THSD7B: variants seen among roughly 807,000 people sequenced by gnomAD.
The protein encoded by THSD7B is thrombospondin type 1 domain containing 7B.
Under a neutral mutation model 213.6 loss-of-function variants are expected in THSD7B, and 138 were observed. The observed-to-expected ratio is 0.65, with a 90% CI of 0.56 to 0.74. The LOEUF is 0.74. Ranked by LOEUF, THSD7B falls within the 30% of genes least tolerant of loss-of-function variation. The pLI is 0.00. For synonymous variants in THSD7B, 742 were observed against 687.0 expected (o/e 1.08, Z -1.25); for missense variants, 1,931 against 1,991.5 (o/e 0.97, Z 0.58).
At chr2:137,673,546 GA>G (rs373204757) in intron 27 of THSD7B, among the ~76,000 whole-genome samples, 1 of 152,128 alleles carries the variant, frequency 6.6e-6, no homozygotes, top group Non-Finnish European at 1.5e-5. Flanking sequence ...AGTGGAGGAG[GA>G]AAAAATAAGA....
intron 1 of THSD7B, among the ~76,000 whole-genome samples, chr2:136,780,594 G>A (rs1681723871): frequency 6.6e-6 from 1 of 152,084 alleles, no homozygotes; most frequent in Non-Finnish European, 1.5e-5. Flanking sequence ...GTCTAATGTT[G>A]ACTTTTCATT....
intron 7 of THSD7B, among the ~76,000 whole-genome samples, chr2:137,208,950 A>G (rs1008592069): frequency 6.6e-6 from 1 of 152,118 alleles, no homozygotes; most frequent in Non-Finnish European, 1.5e-5. Flanking sequence ...TTGTATAACT[A>G]TGCCTGCATC....
At chr2:137,216,822 G>T (rs1350868973) in intron 7 of THSD7B, among the ~76,000 whole-genome samples, 1 of 152,132 alleles carries the variant, frequency 6.6e-6, no homozygotes, top group Non-Finnish European at 1.5e-5. Flanking sequence ...TACATCATAG[G>T]CTCCAGCTGC....
chr2:137,185,870 A>C (rs1319486273), intron 7 of THSD7B, among the ~76,000 whole-genome samples: 1 of 152,120 alleles, frequency 6.6e-6, no homozygotes, highest in Non-Finnish European at 1.5e-5. Context: ...GTGTATAAGC[A>C]TTCCCTTTTC....
chr2:137,439,441 C>T lies in THSD7B; in HGVS notation c.2960-11404C>T, dbSNP rs187820756. On this transcript the variant is annotated intron_variant, in intron 14 of 27. Coordinates refer to ENST00000409968, the MANE Select transcript of THSD7B (RefSeq NM_001316349.2). Reference sequence around the variant, plus strand: ...AAATAAATAAATTGAAATGTCTTGACCTCTTTTATTTCTTTATTTCTTCCT... The same window carrying T: ...AAATAAATAAATTGAAATGTCTTGATCTCTTTTATTTCTTTATTTCTTCCT... 6.2e-4 allele frequency among the ~76,000 whole-genome samples: 95 copies of T among 152,132 alleles called. 1 individual carries two copies. In the East Asian group the frequency reaches 0.013, roughly 20 times the overall value.
chr2:137,434,687 T>G (rs528938667), intron 14 of THSD7B, among the ~76,000 whole-genome samples: 8 of 152,346 alleles, frequency 5.3e-5, no homozygotes, highest in African/African-American at 1.7e-4. Context: ...GTGTCTGTTT[T>G]CCACATTTTG....
intron 1 of THSD7B, among the ~76,000 whole-genome samples, chr2:136,780,121 A>C (rs1681711872): frequency 6.6e-6 from 1 of 152,176 alleles, no homozygotes; most frequent in South Asian, 2.1e-4. Flanking sequence ...TTTATAATTT[A>C]TGAATTATGG....
chr2:137,590,679 A>G (rs955935695), intron 17 of THSD7B, among the ~76,000 whole-genome samples: 2 of 151,716 alleles, frequency 1.3e-5, no homozygotes, highest in East Asian at 1.9e-4. Flanking sequence ...TCATATTTCT[A>G]TAATTGACAA....
chr2:137,527,925 A>G (rs1008359390), intron 15 of THSD7B, among the ~76,000 whole-genome samples: 7 of 152,066 alleles, frequency 4.6e-5, no homozygotes, highest in African/African-American at 1.7e-4. Flanking sequence ...TTCTAGAGTC[A>G]TTATTTTTGT....
chr2:137,088,877 A>T (rs1687892389), intron 3 of THSD7B, among the ~76,000 whole-genome samples: 1 of 152,204 alleles, frequency 6.6e-6, no homozygotes, highest in African/African-American at 2.4e-5. Context: ...AAAATGTTGA[A>T]CATCACTAAT....
intron 2 of THSD7B, among the ~76,000 whole-genome samples, chr2:136,884,186 G>A (rs992074009): frequency 6.6e-6 from 1 of 152,238 alleles, no homozygotes; most frequent in East Asian, 1.9e-4. Context: ...CAGCACATGC[G>A]AAGTCGGCAG....
intron 1 of THSD7B, among the ~76,000 whole-genome samples, chr2:136,778,918 T>C (rs890295371): frequency 4.6e-5 from 7 of 152,146 alleles, no homozygotes; most frequent in African/African-American, 1.7e-4. Flanking sequence ...GAGAGATTTA[T>C]CTGTAGAAAA....
At chr2:136,816,175 A>G (rs977034439) in intron 1 of THSD7B, among the ~76,000 whole-genome samples, 3 of 152,210 alleles carry the variant, frequency 2.0e-5, no homozygotes, top group Non-Finnish European at 4.4e-5. Flanking sequence ...GAGCCACTGC[A>G]TTTAGCAGAC....
chr2:136,862,845 G>A (rs1228747513), intron 1 of THSD7B, among the ~76,000 whole-genome samples: 1 of 152,150 alleles, frequency 6.6e-6, no homozygotes, highest in African/African-American at 2.4e-5. Flanking sequence ...TCTCTCACTT[G>A]GAGAGCTTGC....
chr2:137,132,667 A>G (rs1688759717), intron 5 of THSD7B, among the ~76,000 whole-genome samples: 1 of 152,186 alleles, frequency 6.6e-6, no homozygotes, highest in Non-Finnish European at 1.5e-5. Context: ...AAGGTCTACA[A>G]TTGGAAAGGA....
At chr2:137,219,304 C>T (rs2105042724) in intron 7 of THSD7B, among the ~76,000 whole-genome samples, 1 of 152,194 alleles carries the variant, frequency 6.6e-6, no homozygotes, top group Middle Eastern at 3.4e-3. Context: ...TGATGTTTGC[C>T]TGCCTTAAAC....
At chr2:137,484,814 G>A in intron 15 of THSD7B, among the ~76,000 whole-genome samples, 1 of 98,422 alleles carries the variant, frequency 1.0e-5, no homozygotes, top group Non-Finnish European at 2.1e-5. Context: ...CTGCATAAAT[G>A]TCTTCTTTTG....
intron 12 of THSD7B, among the ~76,000 whole-genome samples, chr2:137,306,243 C>T (rs1264040709): frequency 1.3e-5 from 2 of 152,040 alleles, no homozygotes; most frequent in East Asian, 1.9e-4. Context: ...TTTTCTGCTC[C>T]GTTATAATGT....
chr2:136,824,701 T>C (rs1011802997), intron 1 of THSD7B, among the ~76,000 whole-genome samples: 1 of 152,168 alleles, frequency 6.6e-6, no homozygotes, highest in African/African-American at 2.4e-5. Flanking sequence ...CTGATAGATG[T>C]TTCTGTAAAA....
Sources: allele counts gnomAD v4.1 joint callset (sites outside exome capture counted in the v4.1 genomes callset), GRCh38; gene constraint gnomAD v4.1.1; transcripts MANE v1.5; gene names NCBI Gene and HGNC (gene_info 2026-07-23, HGNC 2026-07-21).